FSHR: variants seen among roughly 807,000 people sequenced by gnomAD.
FSHR encodes the protein follicle-stimulating hormone receptor.
A neutral mutation model predicts 52.1 loss-of-function variants in FSHR; 46 were observed. That is an observed-to-expected ratio of 0.88 (90% CI 0.70 to 1.13). The LOEUF (loss-of-function observed/expected upper bound fraction) is 1.13, where lower values mean the gene tolerates loss of function less well. Ranked by LOEUF, FSHR falls within the 50% of genes most tolerant of loss-of-function variation. The pLI, the probability that FSHR is intolerant of heterozygous loss-of-function variation, is 0.00. For synonymous variants in FSHR, 399 were observed against 309.6 expected (o/e 1.29, Z -3.03); for missense variants, 964 against 834.6 (o/e 1.16, Z -1.91).
At chr2:49,119,329 G>A (rs868646713) in intron 1 of FSHR, among the ~76,000 whole-genome samples, 2 of 152,150 alleles carry the variant, frequency 1.3e-5, no homozygotes, top group Middle Eastern at 3.4e-3. Context: ...GTGTTCGATA[G>A]GCAAACAATA....
chr2:48,993,006 C>G (rs59931901), intron 4 of FSHR, among the ~76,000 whole-genome samples: 4,239 of 152,168 alleles, frequency 0.028, 195 homozygotes, highest in African/African-American at 0.096. Flanking sequence ...TCCGGACTCT[C>G]TTTTCTATTG....
chr2:48,978,042 C>T lies in FSHR; in HGVS notation c.668+4870G>A, dbSNP rs185152080. Among the ~76,000 whole-genome samples the T allele has an allele frequency of 3.6e-3, 543 of 152,146 alleles. 4 individuals are homozygous for T. The highest frequency in any genetic ancestry group is 5.7e-3 in the Non-Finnish European group (385 of 68,000). On this transcript the variant is annotated intron_variant, in intron 8 of 9. Transcript: ENST00000406846. ...AAATCTTGAAAAGACCAGTGGATACCCCATGGGATTATGACTTGCACAGAA... is the reference window on the plus strand; with the variant it reads ...AAATCTTGAAAAGACCAGTGGATACTCCATGGGATTATGACTTGCACAGAA...
At chr2:49,088,306 A>G (rs1670474308) in intron 1 of FSHR, among the ~76,000 whole-genome samples, 1 of 152,194 alleles carries the variant, frequency 6.6e-6, no homozygotes, top group Non-Finnish European at 1.5e-5. Context: ...AAGTAGGACC[A>G]GGTAAGAAAA....
Position 49,154,355 on chromosome 2 carries a change from C to G in FSHR, c.63G>C (p.Arg21=). The G allele has an allele frequency of 1.2e-6, 2 of 1,613,644 alleles. No individual in the cohort carries two copies. Among genetic ancestry groups the G allele is most frequent in the Non-Finnish European group, 1.7e-6 (2 of 1,179,916 alleles). The change falls in exon 1 of 10, where the codon CGG becomes CGC. Residue 21 remains arginine (R), a synonymous_variant. Transcript: ENST00000406846. ...FLSLGSGCHH[R]ICHCSNRVFL... ...AAACCCTGTTAGAGCAGTGACAGATCCGATGATGACATCCTGAGCCCAAGC... is the reference window on the plus strand; with the variant it reads ...AAACCCTGTTAGAGCAGTGACAGATGCGATGATGACATCCTGAGCCCAAGC...
intron 2 of FSHR, among the ~76,000 whole-genome samples, chr2:49,057,082 A>G (rs950176423): frequency 6.6e-6 from 1 of 152,044 alleles, no homozygotes; most frequent in South Asian, 2.1e-4. Flanking sequence ...CCTCAAATAA[A>G]CCAATTAACA....
chr2:49,099,744 C>G (rs1035547684), intron 1 of FSHR, among the ~76,000 whole-genome samples: 1 of 152,026 alleles, frequency 6.6e-6, no homozygotes, highest in African/African-American at 2.4e-5. Flanking sequence ...ACATGGAATG[C>G]CAAAGATTGC....
chr2:49,106,589 A>G (rs1196251481), intron 1 of FSHR, among the ~76,000 whole-genome samples: 1 of 152,206 alleles, frequency 6.6e-6, no homozygotes, highest in Non-Finnish European at 1.5e-5. Flanking sequence ...CTTTTATACC[A>G]TGTAAAGAGA....
chr2:49,109,759 C>T (rs1671358720), intron 1 of FSHR, among the ~76,000 whole-genome samples: 1 of 151,952 alleles, frequency 6.6e-6, no homozygotes. Flanking sequence ...TTCCTTTATG[C>T]CATTATGATG....
intron 2 of FSHR, among the ~76,000 whole-genome samples, chr2:49,035,757 A>C (rs1298590959): frequency 1.3e-5 from 2 of 152,208 alleles, no homozygotes; most frequent in Non-Finnish European, 2.9e-5. Context: ...GGTGGTTTGT[A>C]TGTTACTATT....
At chr2:48,968,074 C>T (rs553380321) in intron 9 of FSHR, among the ~76,000 whole-genome samples, 83 of 152,286 alleles carry the variant, frequency 5.5e-4, no homozygotes, top group African/African-American at 1.9e-3. Context: ...CTATGATTAC[C>T]TCACTTTTTT....
intron 2 of FSHR, among the ~76,000 whole-genome samples, chr2:49,034,575 A>G (rs541562481): frequency 6.6e-6 from 1 of 152,342 alleles, no homozygotes; most frequent in South Asian, 2.1e-4. Context: ...TCTACTTCAT[A>G]TGATCAATGT....
intron 2 of FSHR, among the ~76,000 whole-genome samples, chr2:49,047,496 A>G (rs755011707): frequency 6.6e-6 from 1 of 152,258 alleles, no homozygotes; most frequent in Non-Finnish European, 1.5e-5. Flanking sequence ...GTGTATGTAC[A>G]CACAGACTTT....
chr2:49,062,366 A>G (rs1669342677), intron 2 of FSHR, among the ~76,000 whole-genome samples: 2 of 152,154 alleles, frequency 1.3e-5, no homozygotes, highest in Non-Finnish European at 2.9e-5. Flanking sequence ...ATTCACATGC[A>G]GAAAAGGAAA....
At position 48,976,951 on chromosome 2, in the gene FSHR, G is replaced by A. The variant is rs895447120; in HGVS notation, c.668+5961C>T. Among the ~76,000 whole-genome samples the A allele has an allele frequency of 4.6e-5, 7 of 151,900 alleles. No individual in the cohort carries two copies. In the South Asian group the frequency reaches 8.3e-4, roughly 18 times the overall value. ...AAAGCCAGCTCCTGGATTTACTGAC[G>A]TTTTTGAGGGGTTTTTCGTGTCTCT... On this transcript the variant is annotated intron_variant, in intron 8 of 9. Coordinates refer to ENST00000406846, the MANE Select transcript of FSHR (RefSeq NM_000145.4).
chr2:49,037,665 A>G (rs921031600), intron 2 of FSHR, among the ~76,000 whole-genome samples: 1 of 152,228 alleles, frequency 6.6e-6, no homozygotes, highest in African/African-American at 2.4e-5. Context: ...CAATAAGTGG[A>G]CTGAATAATA....
At position 48,989,049 on chromosome 2, in the gene FSHR, A is replaced by G; in HGVS notation, c.452T>C (p.Ile151Thr). 11 of 1,612,592 alleles carry G rather than the reference A, an allele frequency of 6.8e-6. No individual in the cohort carries two copies. The highest frequency in any genetic ancestry group is 9.3e-6 in the Non-Finnish European group (11 of 1,178,770). ...TGTGTGGATGTTTATGTTATCTTGA[A>G]TGTCACTAGAAGAAAGTACAGACAA... ...IHSLQKVLLDIQDNINIHTIE... is the reference protein window; with the variant it reads ...IHSLQKVLLDTQDNINIHTIE... The change falls in exon 6 of 10, where the codon ATT becomes ACT. Residue 151 changes from isoleucine to threonine, a missense_variant. Transcript: ENST00000406846.
chr2:49,127,026 A>G (rs1672024512), intron 1 of FSHR, among the ~76,000 whole-genome samples: 5 of 152,202 alleles, frequency 3.3e-5, no homozygotes, highest in African/African-American at 4.8e-5. Context: ...GAAAGATAGA[A>G]TAATAACCTT....
intron 1 of FSHR, among the ~76,000 whole-genome samples, chr2:49,106,120 T>C (rs1420956986): frequency 6.6e-6 from 1 of 152,166 alleles, no homozygotes; most frequent in Non-Finnish European, 1.5e-5. Context: ...GTCAGGAGTA[T>C]GAAGAGAAGA....
intron 2 of FSHR, among the ~76,000 whole-genome samples, chr2:49,047,485 A>C (rs1402880683): frequency 3.9e-5 from 6 of 152,224 alleles, no homozygotes; most frequent in Non-Finnish European, 8.8e-5. Flanking sequence ...CTCAAATTTA[A>C]GTGTATGTAC....
Sources: gnomAD v4.1 joint callset for allele counts (sites outside exome capture counted in the v4.1 genomes callset) on GRCh38, gnomAD v4.1.1 for gene constraint, MANE v1.5 for transcripts, NCBI Gene and HGNC (gene_info 2026-07-23, HGNC 2026-07-21) for gene names.